DPP10: variants seen among roughly 807,000 people sequenced by gnomAD.
DPP10 encodes the protein dipeptidyl peptidase like 10, also known as inactive dipeptidyl peptidase 10.
A neutral mutation model predicts 120.9 loss-of-function variants in DPP10; 33 were observed. That is an observed-to-expected ratio of 0.27 (90% confidence interval 0.21 to 0.37). The LOEUF (loss-of-function observed/expected upper bound fraction) is 0.37, where lower values mean the gene tolerates loss of function less well. Ranked by LOEUF, DPP10 falls within the 10% of genes least tolerant of loss-of-function variation. DPP10 has a pLI of 1.00. For synonymous variants in DPP10, 337 were observed against 326.1 expected (o/e 1.03, Z -0.36); for missense variants, 816 against 942.8 (o/e 0.87, Z 1.76).
At chr2:115,276,129 C>T (rs554009063) in intron 1 of DPP10, among the ~76,000 whole-genome samples, 3 of 152,264 alleles carry the variant, frequency 2.0e-5, no homozygotes, top group Non-Finnish European at 4.4e-5. Flanking sequence ...TTCTACTTTG[C>T]TCTTGGCTGT....
intron 1 of DPP10, among the ~76,000 whole-genome samples, chr2:114,713,291 T>A (rs549155456): frequency 2.2e-4 from 34 of 152,246 alleles, no homozygotes; most frequent in African/African-American, 7.9e-4. Context: ...CCCCGCCTAA[T>A]TTTGTAATAA....
intron 1 of DPP10, among the ~76,000 whole-genome samples, chr2:114,761,253 C>T (rs1304656162): frequency 6.6e-6 from 1 of 152,144 alleles, no homozygotes; most frequent in African/African-American, 2.4e-5. Context: ...AGATGGCGTA[C>T]TTTCAGTAAT....
chr2:114,774,662 G>C (rs1234678088), intron 1 of DPP10, among the ~76,000 whole-genome samples: 1 of 145,356 alleles, frequency 6.9e-6, no homozygotes, highest in Admixed American at 7.0e-5. Context: ...TATCAATAAT[G>C]ATGTATATAT....
chr2:115,674,422 A>AT (rs2090125185), intron 5 of DPP10, among the ~76,000 whole-genome samples: 1 of 145,678 alleles, frequency 6.9e-6, no homozygotes, highest in Non-Finnish European at 1.5e-5. Flanking sequence ...TATTTTTCTT[A>AT]TTTTTGCTGT....
intron 1 of DPP10, among the ~76,000 whole-genome samples, chr2:114,694,892 G>C (rs1412176834): frequency 1.3e-5 from 2 of 151,870 alleles, no homozygotes; most frequent in Non-Finnish European, 1.5e-5. Context: ...AAAGGACTTG[G>C]GAGAAGAAGA....
intron 5 of DPP10, among the ~76,000 whole-genome samples, chr2:115,644,288 A>G (rs1034766628): frequency 6.6e-6 from 1 of 152,026 alleles, no homozygotes; most frequent in African/African-American, 2.4e-5. Flanking sequence ...CGTTAGGTAT[A>G]TCTCCTAATG....
chr2:115,492,628 G>T (rs1194501472), intron 3 of DPP10, among the ~76,000 whole-genome samples: 7 of 152,064 alleles, frequency 4.6e-5, no homozygotes, highest in Non-Finnish European at 8.8e-5. Context: ...TTCCTGGAAA[G>T]AATTTCCTGA....
intron 8 of DPP10, among the ~76,000 whole-genome samples, chr2:115,729,936 A>G (rs2092862085): frequency 6.6e-6 from 1 of 152,202 alleles, no homozygotes; most frequent in African/African-American, 2.4e-5. Flanking sequence ...GTGTGTCCCT[A>G]GGGAACCAAA....
chr2:114,527,489 T>A (rs1300850295), intron 1 of DPP10, among the ~76,000 whole-genome samples: 3 of 152,182 alleles, frequency 2.0e-5, no homozygotes, highest in African/African-American at 7.2e-5. Context: ...ATCTGAACAG[T>A]GAGCCAGAAG....
intron 7 of DPP10, among the ~76,000 whole-genome samples, chr2:115,725,186 C>G (rs1456699465): frequency 2.0e-5 from 3 of 152,120 alleles, no homozygotes; most frequent in African/African-American, 7.2e-5. Context: ...GTGATTAAAT[C>G]TAAATGCAGC....
chr2:114,885,989 CG>C (rs1305792031), intron 1 of DPP10, among the ~76,000 whole-genome samples: 2 of 152,012 alleles, frequency 1.3e-5, no homozygotes, highest in African/African-American at 4.8e-5. Flanking sequence ...ATAAACTCAC[CG>C]TTCAATAAGG....
At chr2:115,427,480 A>G (rs2070589423) in intron 3 of DPP10, among the ~76,000 whole-genome samples, 1 of 152,210 alleles carries the variant, frequency 6.6e-6, no homozygotes, top group Non-Finnish European at 1.5e-5. Flanking sequence ...ACCAAGGCTT[A>G]TGGTGGCTTA....
intron 1 of DPP10, among the ~76,000 whole-genome samples, chr2:114,909,393 C>G (rs1202911723): frequency 6.6e-6 from 1 of 151,974 alleles, no homozygotes; most frequent in Non-Finnish European, 1.5e-5. Flanking sequence ...CAGTATAAAA[C>G]ATCAGTACAG....
intron 10 of DPP10, among the ~76,000 whole-genome samples, chr2:115,750,455 A>G (rs1678559950): frequency 6.6e-6 from 1 of 152,190 alleles, no homozygotes; most frequent in Non-Finnish European, 1.5e-5. Flanking sequence ...GTTAGACTTT[A>G]CCAATTAAAA....
intron 2 of DPP10, among the ~76,000 whole-genome samples, chr2:115,313,754 A>C (rs963185678): frequency 9.9e-5 from 15 of 152,220 alleles, no homozygotes; most frequent in African/African-American, 3.6e-4. Flanking sequence ...TGTGAAGAGA[A>C]GTCCTAACTA....
Position 115,791,173 on chromosome 2 carries a change from G to A in DPP10, c.1624G>A (p.Asp542Asn), listed in dbSNP as rs202170246. ...KPEIKILHID[D>N]YELPLQLSLP... Reference sequence around the variant, plus strand: ...AGAAATTAAAATCCTTCATATTGACGACTATGGTAAAATTTTGTGCATGCT... The same window carrying A: ...AGAAATTAAAATCCTTCATATTGACAACTATGGTAAAATTTTGTGCATGCT... The change falls in exon 18 of 26, where the codon GAC becomes AAC. Residue 542 changes from aspartate (D) to asparagine (N), a missense_variant. Asp to Asn is a conservative substitution (Grantham distance 23). Transcript: ENST00000410059. 2.1e-5 allele frequency: 34 copies of A among 1,612,868 alleles called. No homozygotes were observed. The highest frequency in any genetic ancestry group is 6.7e-5 in the Admixed American group (4 of 59,890).
intron 3 of DPP10, among the ~76,000 whole-genome samples, chr2:115,381,276 T>A (rs926419580): frequency 1.1e-4 from 17 of 152,188 alleles, no homozygotes; most frequent in African/African-American, 4.1e-4. Context: ...TTCTCTAAGC[T>A]TCCCTTCTCA....
intron 3 of DPP10, among the ~76,000 whole-genome samples, chr2:115,494,349 A>C (rs1461682775): frequency 6.6e-6 from 1 of 152,162 alleles, no homozygotes; most frequent in Non-Finnish European, 1.5e-5. Flanking sequence ...CGAAGGAGAA[A>C]GTTCATCTCT....
At chr2:114,575,487 G>A (rs1270668447) in intron 1 of DPP10, among the ~76,000 whole-genome samples, 1 of 152,162 alleles carries the variant, frequency 6.6e-6, no homozygotes, top group African/African-American at 2.4e-5. Context: ...ACAAAAATTA[G>A]AAAGGTAGTT....
Sources: gnomAD v4.1 joint callset for allele counts (sites outside exome capture counted in the v4.1 genomes callset) on GRCh38, gnomAD v4.1.1 for gene constraint, MANE v1.5 for transcripts, NCBI Gene and HGNC (gene_info 2026-07-23, HGNC 2026-07-21) for gene names.